Variants in MOV10 observed in about 807,000 individuals in gnomAD.
The protein encoded by MOV10 is Mov10 RNA helicase.
MOV10 carries 39 observed loss-of-function variants against 108.4 expected under a neutral mutation model. The ratio of observed to expected loss-of-function variants is 0.36; its 90% CI spans 0.28 to 0.47. The LOEUF is 0.47. Among genes scored for constraint, MOV10 ranks in the 20% least tolerant of loss-of-function variants. The pLI is 1.00. For missense variants in MOV10, 952 were observed against 1,297.6 expected (o/e 0.73, Z 4.09); for synonymous variants, 490 against 523.1 (o/e 0.94, Z 0.86).
intron 2 of MOV10, chr1:112,685,308 T>C (rs1182726741): frequency 5.3e-5 from 8 of 151,738 alleles, no homozygotes; most frequent in South Asian, 2.1e-4. Context: ...CTTGACCTAG[T>C]TTTATTTTAT....
intron 2 of MOV10, among the ~76,000 whole-genome samples, chr1:112,682,061 A>C (rs1302942332): frequency 6.6e-6 from 1 of 152,070 alleles, no homozygotes; most frequent in African/African-American, 2.4e-5. Flanking sequence ...ATGCCCAGCT[A>C]ATTTTTTGTA....
rs369460225 is a variant in MOV10, at chr1:112,698,116, G to A, written c.2316+5G>A. The stretch of plus-strand genomic sequence containing the variant: ...TGGGCGGGCCTACCTCGACAGGTGA[G>A]GCTGAGCAGGGCAGGCCCCACCCCT... On this transcript the variant is annotated splice_donor_5th_base_variant and intron_variant, in intron 15 of 20. Transcript: ENST00000369645. 7.4e-6 allele frequency: 12 copies of A among 1,613,558 alleles called. No individual in the cohort carries two copies. The African/African-American group carries it at 1.3e-4, about 18-fold the overall frequency.
rs1164950465 is a variant in MOV10, at chr1:112,694,616, G to T, written c.1459G>T (p.Asp487Tyr). The T allele has an allele frequency of 6.2e-7, 1 of 1,604,266 alleles. No homozygotes were observed. Residue 487 changes from aspartate to tyrosine, a missense_variant, in exon 9 of 21, where the codon GAT (aspartate) becomes TAT (tyrosine). Transcript: ENST00000369645. The surrounding 1 kb of genome is among the most constrained non-coding windows in gnomAD (Gnocchi z 4.1). ...TCGGGACGTCCCGCTGCTGCCCTCA[G>T]ATGTGAAACTCAAGTGAGACTGTGG... is the stretch of plus-strand genomic sequence containing the variant. ...APRDVPLLPS[D>Y]VKLKLYDRSL... is the part of the protein sequence containing the mutation.
At chr1:112,691,556 C>A in intron 5 of MOV10, 109 bp from the exon 6 acceptor site, 2 of 1,400,480 alleles carry the variant, frequency 1.4e-6, no homozygotes, top group African/African-American at 1.4e-5. Context: ...TGCTGACTTC[C>A]CTTCAGCAGT....
Position 112,697,996 on chromosome 1 carries a change from C to A in MOV10, c.2201C>A (p.Ser734Tyr). The A allele has an allele frequency of 6.2e-7, 1 of 1,613,384 alleles. No individual in the cohort carries two copies. Among genetic ancestry groups the A allele is most frequent in the African/African-American group, 1.3e-5 (1 of 74,962 alleles). Residue 734 changes from serine (S) to tyrosine (Y), a missense_variant and splice_region_variant, in exon 15 of 21, where the codon TCT becomes TAT. Ser to Tyr is a moderately radical substitution (Grantham distance 144). Transcript: ENST00000369645. ...CTTTTCCTCCTCCGGCCTCCCAGGT[C>A]TCATCCCACCATCCTGGACATTCCT... Reference protein sequence around the residue: ...FITKLLRNYRSHPTILDIPNQ... With the variant: ...FITKLLRNYRYHPTILDIPNQ...
intron 6 of MOV10, among the ~76,000 whole-genome samples, chr1:112,692,327 T>C (rs1024435820): frequency 1.3e-5 from 2 of 152,124 alleles, no homozygotes; most frequent in East Asian, 1.9e-4. Flanking sequence ...CAGAGCAAGA[T>C]CTTGTCTCTA....
intron 6 of MOV10, 51 bp downstream of exon 6, chr1:112,691,850 C>A: frequency 1.3e-6 from 2 of 1,583,926 alleles, no homozygotes; most frequent in Non-Finnish European, 1.7e-6. Context: ...TACCTACTGG[C>A]TTCTTTGCAT....
rs1199386171 is a variant in MOV10 at position 112,675,463 on chromosome 1, G to C, written c.137+414G>C. ...TTAGAGGCTGCCTGTTGGGGGCTGC[G>C]AGCCCGAGCGCGGGCTTTACAGGGA... On this transcript the variant is annotated intron_variant, in intron 2 of 20. Coordinates refer to ENST00000369645, the MANE Select transcript of MOV10 (RefSeq NM_001321324.2). The surrounding 1 kb of genome is among the most constrained non-coding windows in gnomAD (Gnocchi z 4.7). Among the ~76,000 whole-genome samples the C allele has an allele frequency of 6.6e-6, 1 of 152,234 alleles. No individual in the cohort carries two copies. Among genetic ancestry groups the C allele is most frequent in the Admixed American group, 6.5e-5 (1 of 15,290 alleles).
rs1557774126 is a variant in MOV10, at chr1:112,699,695, TAGA to T, written c.2599_2601del (p.Glu867del). ...CTCTTTCCCCACTAGGTGGGTTCAG[TAGA>T]AGAATTCCAAGGCCAAGAACGAAGC... is the stretch of plus-strand genomic sequence containing the variant. On this transcript the variant is annotated inframe_deletion, in exon 18 of 21. Coordinates refer to ENST00000369645, the MANE Select transcript of MOV10 (RefSeq NM_001321324.2). 1 of 1,614,166 alleles carries T rather than the reference TAGA, an allele frequency of 6.2e-7. No homozygotes were observed.
chr1:112,681,743 A>G (rs1476501277), intron 2 of MOV10, among the ~76,000 whole-genome samples: 2 of 152,100 alleles, frequency 1.3e-5, no homozygotes, highest in African/African-American at 4.8e-5. Context: ...TCATTTAGCA[A>G]GTCATCTTAA....
intron 2 of MOV10, among the ~76,000 whole-genome samples, chr1:112,677,566 C>G (rs1260661215): frequency 6.6e-6 from 1 of 152,056 alleles, no homozygotes. Flanking sequence ...GTGGTCATCT[C>G]CTCCTGGTAC....
intron 5 of MOV10, 91 bp from the exon 6 acceptor site, chr1:112,691,574 C>A: frequency 2.0e-6 from 3 of 1,501,334 alleles, no homozygotes; most frequent in Non-Finnish European, 2.7e-6. Context: ...AGTAGGATTG[C>A]AGGAGGGCTT....
At chr1:112,680,755 T>G (rs1314519325) in intron 2 of MOV10, among the ~76,000 whole-genome samples, 4 of 136,702 alleles carry the variant, frequency 2.9e-5, no homozygotes, top group Non-Finnish European at 6.1e-5. Flanking sequence ...TAGGCTGGAG[T>G]GCAGTGGCAC....
chr1:112,691,640 G>A (rs762045909), intron 5 of MOV10, 25 bp from the exon 6 acceptor site: 1 of 1,608,164 alleles, frequency 6.2e-7, no homozygotes. Flanking sequence ...GGGGTTTTCT[G>A]TGTTTTCTTC....
chr1:112,697,781 C>T, intron 14 of MOV10: 1 of 596,700 alleles, frequency 1.7e-6, no homozygotes, highest in Non-Finnish European at 3.0e-6. Flanking sequence ...TCTGTGGAGT[C>T]CCTGGACTAG....
At chr1:112,700,135 C>T (rs184432116) in intron 19 of MOV10, 84 bp from the exon 20 acceptor site, 2 of 1,601,400 alleles carry the variant, frequency 1.2e-6, no homozygotes, top group African/African-American at 2.7e-5. Context: ...AAATGACATC[C>T]AGAGGTTGAG....
chr1:112,687,507 G>A (rs1011192056), intron 2 of MOV10, among the ~76,000 whole-genome samples: 14 of 152,200 alleles, frequency 9.2e-5, no homozygotes, highest in Non-Finnish European at 1.9e-4. Flanking sequence ...TATGTGGCAC[G>A]TGGGAATGTC....
chr1:112,693,070 C>CACAGG, intron 7 of MOV10, 141 bp downstream of exon 7: 5 of 753,190 alleles, frequency 6.6e-6, no homozygotes, highest in African/African-American at 1.8e-5. Context: ...GCAGGGTGGG[C>CACAGG]ATCCTGTGCC....
intron 5 of MOV10, among the ~76,000 whole-genome samples, 190 bp from the exon 6 acceptor site, chr1:112,691,475 G>A (rs1217887492): frequency 2.0e-5 from 3 of 152,108 alleles, no homozygotes; most frequent in Non-Finnish European, 4.4e-5. Context: ...TTATTACTTA[G>A]ATAATAGTTT....
Sources: allele counts gnomAD v4.1 joint callset (sites outside exome capture counted in the v4.1 genomes callset), GRCh38; gene constraint gnomAD v4.1.1; non-coding constraint Gnocchi (gnomAD v3.1); transcripts MANE v1.5; gene names NCBI Gene and HGNC (gene_info 2026-07-23, HGNC 2026-07-21).